Variants in CTNNA3 observed in about 807,000 individuals in gnomAD.
CTNNA3 encodes catenin alpha-3.
In CTNNA3, 76 loss-of-function variants were observed where a neutral mutation model predicts 95.7. The ratio of observed to expected loss-of-function variants is 0.79; its 90% CI spans 0.66 to 0.96. The LOEUF is 0.96. Among genes scored for constraint, CTNNA3 ranks in the 40% least tolerant of loss-of-function variants. The pLI is 0.00. For synonymous variants in CTNNA3, 431 were observed against 374.4 expected (o/e 1.15, Z -1.74); for missense variants, 1,191 against 1,089.8 (o/e 1.09, Z -1.31).
At chr10:66,659,480 A>C (rs372630947) in intron 9 of CTNNA3, among the ~76,000 whole-genome samples, 1 of 152,308 alleles carries the variant, frequency 6.6e-6, no homozygotes, top group South Asian at 2.1e-4. Flanking sequence ...TTGTGAGAAA[A>C]GACTTAGAAA....
chr10:66,317,345 T>C (rs75952639), intron 12 of CTNNA3, among the ~76,000 whole-genome samples: 1,642 of 152,154 alleles, frequency 0.011, 31 homozygotes, highest in African/African-American at 0.036. Context: ...TATTTGGGTT[T>C]GTTTATGATA....
At chr10:67,454,136 A>C (rs1347689984) in intron 5 of CTNNA3, among the ~76,000 whole-genome samples, 1 of 152,184 alleles carries the variant, frequency 6.6e-6, no homozygotes, top group Non-Finnish European at 1.5e-5. Context: ...AGATGAATAC[A>C]TTCTCTTAAG....
intron 7 of CTNNA3, among the ~76,000 whole-genome samples, chr10:66,960,619 A>G (rs1326135251): frequency 1.3e-5 from 2 of 152,214 alleles, no homozygotes. Context: ...TGAATCAAAT[A>G]TTGTGAACAT....
chr10:67,443,160 G>A (rs1846596346), intron 5 of CTNNA3, among the ~76,000 whole-genome samples: 1 of 150,114 alleles, frequency 6.7e-6, no homozygotes, highest in African/African-American at 2.5e-5. Context: ...ATTCCATGGT[G>A]TATATGTGCC....
At chr10:66,895,656 C>A (rs534292382) in intron 7 of CTNNA3, among the ~76,000 whole-genome samples, 1 of 152,064 alleles carries the variant, frequency 6.6e-6, no homozygotes, top group East Asian at 1.9e-4. Context: ...CAGTCCATTT[C>A]TTTATGCCTC....
At chr10:66,980,164 A>G (rs561979237) in intron 7 of CTNNA3, among the ~76,000 whole-genome samples, 2 of 152,316 alleles carry the variant, frequency 1.3e-5, no homozygotes, top group African/African-American at 2.4e-5. Flanking sequence ...CACAAGTTAT[A>G]GGTAAATGTC....
rs145150327 is a variant in CTNNA3, at chr10:67,221,136, A to G, written c.580-1266T>C. Among the ~76,000 whole-genome samples the G allele has an allele frequency of 3.3e-5, 5 of 152,298 alleles. No homozygotes were observed. The East Asian group carries it at 9.6e-4, about 29-fold the overall frequency. On this transcript the variant is annotated intron_variant, in intron 5 of 17. Transcript: ENST00000433211. ...ATTCATGAAAAACTGCTGAAATCCA[A>G]ATAACCATTATTAATAGTTAATAGC...
intron 3 of CTNNA3, among the ~76,000 whole-genome samples, chr10:67,555,378 A>G (rs1301949620): frequency 6.6e-6 from 1 of 152,104 alleles, no homozygotes; most frequent in Non-Finnish European, 1.5e-5. Context: ...GATTCTTCCT[A>G]TCCATGAGCA....
intron 1 of CTNNA3, among the ~76,000 whole-genome samples, chr10:67,728,610 A>T (rs1478542260): frequency 6.6e-6 from 1 of 151,704 alleles, no homozygotes; most frequent in East Asian, 1.9e-4. Flanking sequence ...CACTGTGAGA[A>T]CCACTGGTCT....
At position 66,081,692 on chromosome 10, in the gene CTNNA3, A is replaced by G. The variant is rs1309907922; in HGVS notation, c.1978-12203T>C. 9.2e-5 allele frequency among the ~76,000 whole-genome samples: 14 copies of G among 152,342 alleles called. 1 individual carries two copies. The East Asian group carries it at 2.7e-3, about 29-fold the overall frequency. On this transcript the variant is annotated intron_variant, in intron 14 of 17. Coordinates refer to ENST00000433211, the MANE Select transcript of CTNNA3 (RefSeq NM_013266.4). ...TTAAAACTCCAACTAATAAATATAG[A>G]AGAAGTGAGCAAAGTAGAAAATCAT...
intron 10 of CTNNA3, among the ~76,000 whole-genome samples, chr10:66,615,288 A>G (rs1004168921): frequency 8.5e-5 from 13 of 152,072 alleles, no homozygotes; most frequent in African/African-American, 2.4e-4. Context: ...GGAGGCACGT[A>G]TCACACGTGA....
intron 7 of CTNNA3, among the ~76,000 whole-genome samples, chr10:66,964,410 C>G (rs1320205025): frequency 6.6e-6 from 1 of 151,658 alleles, no homozygotes; most frequent in African/African-American, 2.4e-5. Flanking sequence ...CATTTTTAAA[C>G]TGGCACAAAA....
intron 10 of CTNNA3, among the ~76,000 whole-genome samples, chr10:66,603,342 A>C (rs547229700): frequency 1.8e-4 from 28 of 152,260 alleles, no homozygotes; most frequent in South Asian, 1.5e-3. Context: ...CATTTACAAT[A>C]GCTAAAAATA....
intron 15 of CTNNA3, among the ~76,000 whole-genome samples, chr10:66,015,875 A>T (rs2079086574): frequency 6.6e-6 from 1 of 152,194 alleles, no homozygotes; most frequent in Non-Finnish European, 1.5e-5. Context: ...TTAGATATGA[A>T]ATTATATGTA....
At chr10:66,069,191 C>T (rs899418158) in intron 15 of CTNNA3, 117 bp downstream of exon 15, 21 of 924,708 alleles carry the variant, frequency 2.3e-5, no homozygotes, top group Non-Finnish European at 3.2e-5. Context: ...ACTATATTTG[C>T]TTTTCCCCTA....
At chr10:66,557,969 A>T (rs996609253) in intron 10 of CTNNA3, among the ~76,000 whole-genome samples, 5 of 152,082 alleles carry the variant, frequency 3.3e-5, no homozygotes, top group Admixed American at 6.6e-5. Context: ...GAGTCTGTGG[A>T]GGTATTTCCA....
chr10:66,307,790 T>C (rs990693001), intron 12 of CTNNA3, among the ~76,000 whole-genome samples: 1 of 152,228 alleles, frequency 6.6e-6, no homozygotes, highest in Admixed American at 6.5e-5. Flanking sequence ...ATCTAAAACA[T>C]ATCCTTTGCA....
Position 66,592,747 on chromosome 10 carries a change from A to T in CTNNA3, c.1374+28945T>A, listed in dbSNP as rs1843594599. Among the ~76,000 whole-genome samples the T allele has an allele frequency of 2.0e-5, 3 of 152,296 alleles. No individual in the cohort carries two copies. In the South Asian group the frequency reaches 6.2e-4, roughly 32 times the overall value. ...TAAAAGGAGATGGGAATTGATACAG[A>T]AAGCAATAGCAGCCACTGGATGACT... On this transcript the variant is annotated intron_variant, in intron 10 of 17. Transcript: ENST00000433211.
At chr10:67,144,032 C>T (rs1483495425) in intron 7 of CTNNA3, among the ~76,000 whole-genome samples, 1 of 152,176 alleles carries the variant, frequency 6.6e-6, no homozygotes, top group Non-Finnish European at 1.5e-5. Flanking sequence ...TGGAATTATT[C>T]CTTGACCCAT....
Sources: gnomAD v4.1 joint callset for allele counts (sites outside exome capture counted in the v4.1 genomes callset) on GRCh38, gnomAD v4.1.1 for gene constraint, MANE v1.5 for transcripts, NCBI Gene and HGNC (gene_info 2026-07-23, HGNC 2026-07-21) for gene names.